Variants in BCAS1 observed in about 807,000 individuals in gnomAD.
BCAS1 encodes the protein breast carcinoma-amplified sequence 1.
BCAS1 carries 46 observed loss-of-function variants against 65.4 expected under a neutral mutation model. The ratio of observed to expected loss-of-function variants is 0.70; its 90% CI spans 0.55 to 0.90. The LOEUF (loss-of-function observed/expected upper bound fraction) is 0.90. Among genes scored for constraint, BCAS1 ranks in the 40% least tolerant of loss-of-function variants. The pLI is 0.00. For missense variants in BCAS1, 793 were observed against 771.2 expected, an observed-to-expected ratio of 1.03 and a Z score of -0.33; for synonymous variants, 298 against 293.5, an observed-to-expected ratio of 1.02 and a Z score of -0.16.
At chr20:53,968,736 A>T (rs1280632086) in intron 9 of BCAS1, among the ~76,000 whole-genome samples, 3 of 152,238 alleles carry the variant, frequency 2.0e-5, no homozygotes, top group African/African-American at 7.2e-5. Flanking sequence ...ATCAGCATGG[A>T]TTGACCAGAC....
At chr20:53,953,219 G>A (rs951755425) in intron 12 of BCAS1, among the ~76,000 whole-genome samples, 5 of 152,130 alleles carry the variant, frequency 3.3e-5, no homozygotes, top group South Asian at 2.1e-4. Flanking sequence ...AAAAAATCTG[G>A]TTCAGAGAGG....
At chr20:53,996,137 A>C (rs1600816878) in intron 4 of BCAS1, 87 bp from the exon 5 acceptor site, 33 of 1,381,634 alleles carry the variant, frequency 2.4e-5, no homozygotes, top group Admixed American at 2.4e-5. Flanking sequence ...TTTCTCTCTT[A>C]CCCCCTAATT....
At chr20:54,012,159 C>T (rs2091334269) in intron 4 of BCAS1, among the ~76,000 whole-genome samples, 2 of 152,060 alleles carry the variant, frequency 1.3e-5, no homozygotes, top group Non-Finnish European at 1.5e-5. Context: ...AGGGTACCCA[C>T]TGTATGATAC....
intron 3 of BCAS1, among the ~76,000 whole-genome samples, chr20:54,046,743 G>A (rs889389543): frequency 6.6e-6 from 1 of 150,910 alleles, no homozygotes; most frequent in Non-Finnish European, 1.5e-5. Flanking sequence ...TATACAAGAG[G>A]CTGAGGCAGG....
chr20:53,964,949 G>T (rs998755756), intron 10 of BCAS1, among the ~76,000 whole-genome samples: 1 of 151,690 alleles, frequency 6.6e-6, no homozygotes, highest in African/African-American at 2.4e-5. Flanking sequence ...AAATGGAAAA[G>T]CTGATCACTC....
At chr20:54,065,540 C>T (rs1257176100) in intron 1 of BCAS1, among the ~76,000 whole-genome samples, 4 of 152,192 alleles carry the variant, frequency 2.6e-5, no homozygotes, top group Non-Finnish European at 2.9e-5. Context: ...CCAAGGACCG[C>T]CCCCTTCCCC....
At chr20:53,947,293 G>A (rs2089357130) in intron 12 of BCAS1, among the ~76,000 whole-genome samples, 1 of 152,156 alleles carries the variant, frequency 6.6e-6, no homozygotes, top group Non-Finnish European at 1.5e-5. Context: ...TGATAAAAGA[G>A]TTATGATTAT....
chr20:53,986,022 T>C lies in BCAS1; in HGVS notation c.1063-523A>G, dbSNP rs139028847. ...CTTTGGGGATGACTGAGTTAGACTA[T>C]AAAGTTAGTAAAAGGCAACTAGGCT... On this transcript the variant is annotated intron_variant, in intron 7 of 12. Coordinates refer to ENST00000688948, the MANE Select transcript of BCAS1 (RefSeq NM_001366298.2). 8.9e-3 allele frequency among the ~76,000 whole-genome samples: 1,362 copies of C among 152,348 alleles called. 23 individuals are homozygous for C. The highest frequency in any genetic ancestry group is 0.031 in the African/African-American group (1,272 of 41,578).
chr20:54,021,765 T>G (rs1254839524), intron 4 of BCAS1, among the ~76,000 whole-genome samples: 1 of 152,108 alleles, frequency 6.6e-6, no homozygotes, highest in Non-Finnish European at 1.5e-5. Context: ...GAAAAATAGC[T>G]AATGCATGCT....
intron 1 of BCAS1, among the ~76,000 whole-genome samples, chr20:54,063,295 C>T (rs1204323641): frequency 6.6e-6 from 1 of 152,182 alleles, no homozygotes; most frequent in Non-Finnish European, 1.5e-5. Flanking sequence ...TAATTATAGC[C>T]TCCATCTCAA....
chr20:54,026,863 C>T (rs2146084579), intron 4 of BCAS1, among the ~76,000 whole-genome samples: 1 of 152,336 alleles, frequency 6.6e-6, no homozygotes, highest in Admixed American at 6.5e-5. Context: ...ACACTCTGCT[C>T]CCCCAGCACA....
At chr20:54,014,254 C>T (rs940118109) in intron 4 of BCAS1, among the ~76,000 whole-genome samples, 2 of 152,172 alleles carry the variant, frequency 1.3e-5, no homozygotes, top group Admixed American at 6.5e-5. Context: ...AGCAAACAGG[C>T]GTCCGTGGTG....
chr20:54,007,419 G>C (rs532149048), intron 4 of BCAS1, among the ~76,000 whole-genome samples: 1 of 152,338 alleles, frequency 6.6e-6, no homozygotes, highest in South Asian at 2.1e-4. Flanking sequence ...AGAAAGCTGT[G>C]AGTACTTCCG....
intron 3 of BCAS1, among the ~76,000 whole-genome samples, chr20:54,046,678 G>A (rs1222493832): frequency 6.6e-6 from 1 of 151,210 alleles, no homozygotes; most frequent in Non-Finnish European, 1.5e-5. Flanking sequence ...AAACCAGTCT[G>A]TACTAAAAAT....
intron 4 of BCAS1, among the ~76,000 whole-genome samples, chr20:53,998,517 G>C (rs1451781791): frequency 1.3e-5 from 2 of 152,116 alleles, no homozygotes; most frequent in African/African-American, 4.8e-5. Context: ...GGACAAACTT[G>C]CAAATGACCA....
intron 4 of BCAS1, among the ~76,000 whole-genome samples, chr20:54,027,555 A>ATATTGT (rs2091700243): frequency 6.6e-6 from 1 of 152,200 alleles, no homozygotes; most frequent in South Asian, 2.1e-4. Context: ...GTTTTGAAAA[A>ATATTGT]TATTGTTATT....
chr20:53,961,471 C>A (rs2089875674), intron 10 of BCAS1, among the ~76,000 whole-genome samples: 1 of 152,184 alleles, frequency 6.6e-6, no homozygotes, highest in South Asian at 2.1e-4. Flanking sequence ...TTGGACTAGT[C>A]AGGCAAAATT....
At chr20:54,066,260 G>A (rs1320254145) in intron 1 of BCAS1, among the ~76,000 whole-genome samples, 2 of 152,146 alleles carry the variant, frequency 1.3e-5, no homozygotes, top group East Asian at 3.9e-4. Context: ...TTTTGGTAGA[G>A]ACGGGGTTTC....
chr20:54,032,333 A>G (rs572730445), intron 3 of BCAS1, among the ~76,000 whole-genome samples: 17 of 151,518 alleles, frequency 1.1e-4, no homozygotes, highest in Middle Eastern at 3.4e-3. Context: ...TAAAGGAAGC[A>G]CTAAATATGG....
Sources: gnomAD v4.1 joint callset for allele counts (sites outside exome capture counted in the v4.1 genomes callset) on GRCh38, gnomAD v4.1.1 for gene constraint, MANE v1.5 for transcripts, NCBI Gene and HGNC (gene_info 2026-07-23, HGNC 2026-07-21) for gene names.